Variants in DYM observed in about 807,000 individuals in gnomAD.
DYM encodes dyggve-Melchior-Clausen syndrome protein.
Under a neutral mutation model 93.1 loss-of-function variants are expected in DYM, and 78 were observed. The ratio of observed to expected loss-of-function variants is 0.84; its 90% CI spans 0.70 to 1.01. The LOEUF (loss-of-function observed/expected upper bound fraction) is 1.01, where lower values mean the gene tolerates loss of function less well. Among genes scored for constraint, DYM ranks in the 50% least tolerant of loss-of-function variants. The pLI is 0.00. For missense variants in DYM, 789 were observed against 845.0 expected (o/e 0.93, Z 0.82); for synonymous variants, 321 against 319.7 (o/e 1.00, Z -0.04).
At chr18:49,253,029 C>G (rs2094322490) in intron 13 of DYM, among the ~76,000 whole-genome samples, 1 of 152,094 alleles carries the variant, frequency 6.6e-6, no homozygotes, top group South Asian at 2.1e-4. Flanking sequence ...GAGCAACAGC[C>G]TAGGTACTGT....
intron 13 of DYM, among the ~76,000 whole-genome samples, chr18:49,214,450 CT>C (rs2092935195): frequency 6.6e-6 from 1 of 152,074 alleles, no homozygotes; most frequent in African/African-American, 2.4e-5. Context: ...TGTTCTGCCC[CT>C]GTCCGTGGAA....
chr18:49,216,118 G>A (rs1482071083), intron 13 of DYM, among the ~76,000 whole-genome samples: 2 of 152,242 alleles, frequency 1.3e-5, no homozygotes, highest in Non-Finnish European at 1.5e-5. Flanking sequence ...CTGGCTCGGA[G>A]GGTCCTACAC....
intron 5 of DYM, among the ~76,000 whole-genome samples, chr18:49,375,345 A>G (rs1005804988): frequency 1.3e-5 from 2 of 151,926 alleles, no homozygotes; most frequent in African/African-American, 4.8e-5. Context: ...TTCACCCTTT[A>G]TAGGAAACTA....
At chr18:49,258,839 CAG>C (rs61360021) in intron 11 of DYM, among the ~76,000 whole-genome samples, 15,939 of 112,658 alleles carry the variant, frequency 0.14, 782 homozygotes, top group Middle Eastern at 0.23. Flanking sequence ...CACACACACA[CAG>C]AGAGAGAGAG....
intron 17 of DYM, among the ~76,000 whole-genome samples, chr18:49,079,410 TTTTTA>T: frequency 6.6e-6 from 1 of 151,980 alleles, no homozygotes; most frequent in East Asian, 1.9e-4. Context: ...TTTTTTTTTA[TTTTTA>T]TTTTTTTTAT....
At chr18:49,092,831 T>C (rs1011529319) in intron 17 of DYM, among the ~76,000 whole-genome samples, 3 of 151,952 alleles carry the variant, frequency 2.0e-5, no homozygotes, top group Admixed American at 6.6e-5. Context: ...AGGGAAAGCT[T>C]AGCGGTAAGA....
At chr18:49,428,517 TC>T (rs1333610952) in intron 2 of DYM, among the ~76,000 whole-genome samples, 1 of 152,038 alleles carries the variant, frequency 6.6e-6, no homozygotes, top group Non-Finnish European at 1.5e-5. Context: ...ACATCTCATC[TC>T]CACAAAAAAT....
intron 14 of DYM, among the ~76,000 whole-genome samples, chr18:49,203,961 G>A (rs1198766935): frequency 7.2e-6 from 1 of 138,706 alleles, no homozygotes; most frequent in African/African-American, 2.6e-5. Flanking sequence ...TTTTACTTGA[G>A]AAGTAAACTT....
At chr18:49,432,553 G>T (rs2080433588) in intron 1 of DYM, among the ~76,000 whole-genome samples, 1 of 146,736 alleles carries the variant, frequency 6.8e-6, no homozygotes, top group African/African-American at 2.5e-5. Flanking sequence ...TTTTAAAACT[G>T]GCAAAAAATA....
Position 49,379,837 on chromosome 18 carries a change from C to T in DYM, c.194-79G>A, listed in dbSNP as rs1346630944. On this transcript the variant is annotated intron_variant, in intron 3 of 17. Coordinates refer to ENST00000675505, the MANE Select transcript of DYM (RefSeq NM_001353214.3). ...TGAGCTTATCATAACATTTATAAAA[C>T]CAAATGTCATATTAAAATTGCTCAG... 1.5e-5 allele frequency: 18 copies of T among 1,174,348 alleles called. No homozygotes were observed. In the African/African-American group the frequency reaches 2.3e-4, roughly 15 times the overall value. 72.7% of individuals were successfully genotyped at this position (1,174,348 alleles called of 1,614,324 possible). A position where few individuals can be genotyped will look rare whatever the true frequency, so the allele number is the denominator to read the frequency against.
rs1011895355 is a variant in DYM, at chr18:49,258,248, G to A, written c.1365+132C>T. 143 of 697,916 alleles carry A rather than the reference G, an allele frequency of 2.0e-4. No individual in the cohort carries two copies. The Admixed American group carries it at 2.9e-3, about 14-fold the overall frequency. 43.2% of individuals were successfully genotyped at this position (697,916 alleles called of 1,614,324 possible). A position where few individuals can be genotyped will look rare whatever the true frequency, so the allele number is the denominator to read the frequency against. ...TTACATTAGGATCATGTAATACAGT[G>A]ACTATACAGTGACCGGTATTTTCTA... On this transcript the variant is annotated intron_variant, in intron 12 of 17. Coordinates refer to ENST00000675505, the MANE Select transcript of DYM (RefSeq NM_001353214.3).
chr18:49,211,017 T>A (rs886482723), intron 13 of DYM, among the ~76,000 whole-genome samples: 1 of 152,200 alleles, frequency 6.6e-6, no homozygotes, highest in African/African-American at 2.4e-5. Flanking sequence ...ATAATACTAC[T>A]ACAATATGGA....
intron 1 of DYM, among the ~76,000 whole-genome samples, chr18:49,448,858 T>C (rs2082308527): frequency 6.6e-6 from 1 of 152,202 alleles, no homozygotes; most frequent in African/African-American, 2.4e-5. Context: ...TACTAGACCT[T>C]TGCAAGCGTT....
chr18:49,353,234 T>C (rs562032919), intron 6 of DYM, among the ~76,000 whole-genome samples: 1 of 152,254 alleles, frequency 6.6e-6, no homozygotes, highest in Admixed American at 6.5e-5. Flanking sequence ...ATCTAGAAAT[T>C]AGTAATATTT....
chr18:49,369,996 G>C (rs191571474), intron 5 of DYM, among the ~76,000 whole-genome samples: 1 of 152,218 alleles, frequency 6.6e-6, no homozygotes, highest in Non-Finnish European at 1.5e-5. Context: ...CAGGAATAAC[G>C]CTGGGCGCAG....
rs540323679 is a variant in DYM at position 49,278,914 on chromosome 18, A to T, written c.1125+3083T>A. On this transcript the variant is annotated intron_variant, in intron 10 of 17. Coordinates refer to ENST00000675505, the MANE Select transcript of DYM (RefSeq NM_001353214.3). ...TGGGTCTGTTACAACTAAAAGAATC[A>T]TGACCATCTCAAATGTCTAGCTGCT... Among the ~76,000 whole-genome samples the T allele has an allele frequency of 2.6e-5, 4 of 152,336 alleles. No individual in the cohort carries two copies. The East Asian group carries it at 7.7e-4, about 29-fold the overall frequency.
chr18:49,062,389 T>C (rs1405070944), intron 17 of DYM, among the ~76,000 whole-genome samples: 1 of 152,182 alleles, frequency 6.6e-6, no homozygotes, highest in Admixed American at 6.5e-5. Context: ...ACCTGCTGAC[T>C]ATGACCTAGT....
intron 15 of DYM, among the ~76,000 whole-genome samples, chr18:49,144,805 G>C (rs557097027): frequency 6.6e-6 from 1 of 151,876 alleles, no homozygotes; most frequent in African/African-American, 2.4e-5. Flanking sequence ...TCAAAACCTA[G>C]GTTCCTGGGC....
intron 11 of DYM, among the ~76,000 whole-genome samples, chr18:49,261,516 A>G (rs1484976469): frequency 1.3e-5 from 2 of 152,148 alleles, no homozygotes; most frequent in African/African-American, 4.8e-5. Flanking sequence ...ACTAAAAATT[A>G]GCCAGGCGAG....
Sources: gnomAD v4.1 joint callset for allele counts (sites outside exome capture counted in the v4.1 genomes callset) on GRCh38, gnomAD v4.1.1 for gene constraint, MANE v1.5 for transcripts, NCBI Gene and HGNC (gene_info 2026-07-23, HGNC 2026-07-21) for gene names.